Variants in SPINT2 observed in about 807,000 individuals in gnomAD.
SPINT2 encodes the protein serine peptidase inhibitor, Kunitz type 2.
Under a neutral mutation model 30.1 loss-of-function variants are expected in SPINT2, and 18 were observed. The observed-to-expected ratio is 0.60, with a 90% CI of 0.41 to 0.89. SPINT2 has a LOEUF of 0.89. Ranked by LOEUF, SPINT2 falls within the 40% of genes least tolerant of loss-of-function variation. SPINT2 has a pLI of 0.00. For missense variants in SPINT2, 276 were observed against 334.3 expected (o/e 0.83, Z 1.36); for synonymous variants, 139 against 137.9 (o/e 1.01, Z -0.05).
In SPINT2 at chr19:38,291,822, C is replaced by T. The variant is rs752546537; in HGVS notation, c.593-18C>T. On this transcript the variant is annotated intron_variant, in intron 6 of 6. Transcript: ENST00000301244. Reference sequence around the variant, plus strand: ...TCCCCTTGCCTGGCCCGTCCTGAGGCCCCTCTCTCGTCCTCAGTGGTGGTT... The same window carrying T: ...TCCCCTTGCCTGGCCCGTCCTGAGGTCCCTCTCTCGTCCTCAGTGGTGGTT... 3 of 1,611,348 alleles carry T rather than the reference C, an allele frequency of 1.9e-6. No homozygotes were observed. The highest frequency in any genetic ancestry group is 1.7e-5 in the Admixed American group (1 of 59,904).
chr19:38,280,964 G>A (rs1261763194), intron 1 of SPINT2, among the ~76,000 whole-genome samples: 1 of 152,232 alleles, frequency 6.6e-6, no homozygotes, highest in Non-Finnish European at 1.5e-5. Context: ...AGGGCTCACT[G>A]TGGCAGGGCG....
intron 1 of SPINT2, among the ~76,000 whole-genome samples, chr19:38,272,150 G>A (rs565507072): frequency 1.3e-5 from 2 of 152,096 alleles, no homozygotes; most frequent in Admixed American, 6.6e-5. Flanking sequence ...GCAGTGAGCC[G>A]AGATCGCACC....
At chr19:38,278,694 C>T (rs1968546767) in intron 1 of SPINT2, among the ~76,000 whole-genome samples, 1 of 152,054 alleles carries the variant, frequency 6.6e-6, no homozygotes, top group Non-Finnish European at 1.5e-5. Flanking sequence ...TCCAGCTACT[C>T]AGGAGGCTGA....
rs58140440 is a variant in SPINT2, at chr19:38,289,484, CAAAAAAAAAAAAAA to C, written c.391+309_391+322del. 4.2e-4 allele frequency: 15 copies of C among 36,082 alleles called. 1 individual carries two copies. Among genetic ancestry groups the C allele is most frequent in the Admixed American group, 3.3e-3 (9 of 2,758 alleles). The allele number at this position is 36,082 out of a possible 1,614,324, so 2.2% of individuals were successfully genotyped here. A position where few individuals can be genotyped will look rare whatever the true frequency, so the allele number is the denominator to read the frequency against. On this transcript the variant is annotated intron_variant, in intron 4 of 6. Transcript: ENST00000301244. The stretch of plus-strand genomic sequence containing the variant: ...TGGGCAACAGAGTGAGACTCTGTCT[CAAAAAAAAAAAAAA>C]AAAAAAAAAAAAAAACTCCGAAGAA...
At chr19:38,273,521 T>C (rs1968480542) in intron 1 of SPINT2, among the ~76,000 whole-genome samples, 1 of 152,236 alleles carries the variant, frequency 6.6e-6, no homozygotes, top group African/African-American at 2.4e-5. Context: ...TTTAAGATGC[T>C]CTCATTCATT....
chr19:38,272,329 C>T (rs533258276), intron 1 of SPINT2, among the ~76,000 whole-genome samples: 2 of 152,048 alleles, frequency 1.3e-5, no homozygotes, highest in Non-Finnish European at 2.9e-5. Context: ...TTTGAAGGGC[C>T]GCTCTACATG....
In SPINT2 at chr19:38,268,237, C is replaced by T. The variant is rs142623490; in HGVS notation, c.106+3239C>T. 5.7e-3 allele frequency among the ~76,000 whole-genome samples: 873 copies of T among 152,124 alleles called. 5 individuals are homozygous for T. Among genetic ancestry groups the T allele is most frequent in the Non-Finnish European group, 9.6e-3 (651 of 67,978 alleles). ...GGTGGGAAGGGACAGGTGGACGGGC[C>T]GGACAAAGAGTGTCCTGACTCCAAC... On this transcript the variant is annotated intron_variant, in intron 1 of 6. Coordinates refer to ENST00000301244, the MANE Select transcript of SPINT2 (RefSeq NM_021102.4).
In SPINT2 at chr19:38,264,778, T is replaced by C; in HGVS notation, c.-115T>C. On this transcript the variant is annotated 5_prime_UTR_variant, in exon 1 of 7. Coordinates refer to ENST00000301244, the MANE Select transcript of SPINT2 (RefSeq NM_021102.4). The stretch of plus-strand genomic sequence containing the variant: ...GCACCTGGCGGACCCTCCCGGAGCG[T>C]CGGCACCTGAACGCGAGGCGCTCCA... The C allele has an allele frequency of 8.7e-7, 1 of 1,145,322 alleles. No individual in the cohort carries two copies. The highest frequency in any genetic ancestry group is 1.2e-6 in the Non-Finnish European group (1 of 806,636). The allele number at this position is 1,145,322 out of a possible 1,614,324, so 70.9% of individuals were successfully genotyped here. A position where few individuals can be genotyped will look rare whatever the true frequency, so the allele number is the denominator to read the frequency against.
At chr19:38,285,610 A>G (rs1013404207) in intron 2 of SPINT2, among the ~76,000 whole-genome samples, 1 of 152,200 alleles carries the variant, frequency 6.6e-6, no homozygotes, top group African/African-American at 2.4e-5. Context: ...AAGTGCTAGG[A>G]TTACAGGCGT....
intron 2 of SPINT2, among the ~76,000 whole-genome samples, 189 bp downstream of exon 2, chr19:38,283,986 C>T (rs910373136): frequency 2.0e-5 from 3 of 151,902 alleles, no homozygotes; most frequent in Admixed American, 1.3e-4. Flanking sequence ...GGACTACGGG[C>T]ACCCACCATC....
chr19:38,275,726 CA>C (rs67891057), intron 1 of SPINT2, among the ~76,000 whole-genome samples: 3,361 of 124,586 alleles, frequency 0.027, 58 homozygotes, highest in South Asian at 0.039. Context: ...CCCAGCTTGA[CA>C]AAAAAATTTT....
intron 1 of SPINT2, among the ~76,000 whole-genome samples, chr19:38,267,199 C>G (rs904390060): frequency 6.6e-6 from 1 of 152,252 alleles, no homozygotes; most frequent in Non-Finnish European, 1.5e-5. Flanking sequence ...TGGGTGAACT[C>G]ATGCCCTCAC....
At chr19:38,269,979 G>C (rs1968434460) in intron 1 of SPINT2, among the ~76,000 whole-genome samples, 1 of 151,236 alleles carries the variant, frequency 6.6e-6, no homozygotes, top group Admixed American at 6.6e-5. Context: ...GCCCACCTCA[G>C]CCTCTCAAAG....
intron 2 of SPINT2, among the ~76,000 whole-genome samples, chr19:38,284,610 G>A (rs1347943747): frequency 2.0e-5 from 3 of 152,196 alleles, no homozygotes; most frequent in Non-Finnish European, 4.4e-5. Flanking sequence ...TGGGGCCAGC[G>A]TGACCCAGCT....
At position 38,290,857 on chromosome 19, in the gene SPINT2, G is replaced by T. The variant is rs550464732; in HGVS notation, c.592+282G>T. 1.9e-6 allele frequency: 1 copy of T among 537,658 alleles called. No homozygotes were observed. Among genetic ancestry groups the T allele is most frequent in the Non-Finnish European group, 3.4e-6 (1 of 295,060 alleles). The allele number at this position is 537,658 out of a possible 1,614,324, so 33.3% of individuals were successfully genotyped here. The stretch of plus-strand genomic sequence containing the variant: ...TGAGCATTTGAGGACTGCTGCACAC[G>T]GGCCTGAGGCTGGCCTGAGGTGTGG... On this transcript the variant is annotated intron_variant, in intron 6 of 6. Transcript: ENST00000301244. The surrounding 1 kb of genome is among the most constrained non-coding windows in gnomAD (Gnocchi z 4.3).
At position 38,292,273 on chromosome 19, in the gene SPINT2, G is replaced by C. The variant is rs1968731712; in HGVS notation, c.*267G>C. 1 of 424,350 alleles carries C rather than the reference G, an allele frequency of 2.4e-6. No homozygotes were observed. The highest frequency in any genetic ancestry group is 2.0e-5 in the African/African-American group (1 of 50,626). The allele number at this position is 424,350 out of a possible 1,614,324, so 26.3% of individuals were successfully genotyped here. A position where few individuals can be genotyped will look rare whatever the true frequency, so the allele number is the denominator to read the frequency against. Reference sequence around the variant, plus strand: ...CTTTCCTCCAGGTAGAGTTTTCTTTGCTTATGTTGAATTCCATTGCCTCTT... The same window carrying C: ...CTTTCCTCCAGGTAGAGTTTTCTTTCCTTATGTTGAATTCCATTGCCTCTT... On this transcript the variant is annotated 3_prime_UTR_variant, in exon 7 of 7. Transcript: ENST00000301244.
intron 1 of SPINT2, among the ~76,000 whole-genome samples, chr19:38,266,675 C>CA (rs5828007): frequency 0.016 from 2,301 of 139,512 alleles, 15 homozygotes; most frequent in Middle Eastern, 0.026. Context: ...GACTCAGTCT[C>CA]AAAAAAAAAA....
At chr19:38,270,058 C>T (rs562763563) in intron 1 of SPINT2, among the ~76,000 whole-genome samples, 1 of 152,298 alleles carries the variant, frequency 6.6e-6, no homozygotes, top group Admixed American at 6.5e-5. Flanking sequence ...TTTCGAAATG[C>T]ATGGACCTCT....
rs1968352562 is a variant in SPINT2 at position 38,264,577 on chromosome 19, T to G, written c.-316T>G. 6 of 273,612 alleles carry G rather than the reference T, an allele frequency of 2.2e-5. No individual in the cohort carries two copies. Among genetic ancestry groups the G allele is most frequent in the Middle Eastern group, 1.2e-3 (1 of 862 alleles). 16.9% of individuals were successfully genotyped at this position (273,612 alleles called of 1,614,324 possible). ...AGCCGCTTCCAATAGGCGTTCGCCA[T>G]TGGCTCTGGCGACCTCCGCGCGTTG... is the stretch of plus-strand genomic sequence containing the variant. On this transcript the variant is annotated 5_prime_UTR_variant, in exon 1 of 7. Transcript: ENST00000301244.
Sources: allele counts gnomAD v4.1 joint callset (sites outside exome capture counted in the v4.1 genomes callset), GRCh38; gene constraint gnomAD v4.1.1; non-coding constraint Gnocchi (gnomAD v3.1); transcripts MANE v1.5; gene names NCBI Gene and HGNC (gene_info 2026-07-23, HGNC 2026-07-21).